SV2C: variants seen among roughly 807,000 people sequenced by gnomAD.
SV2C encodes the protein solute carrier family 22 member B3.
Under a neutral mutation model 79.7 loss-of-function variants are expected in SV2C, and 49 were observed. That is an observed-to-expected ratio of 0.61 (90% CI 0.49 to 0.78). The LOEUF is 0.78. SV2C is among the 30% of genes least tolerant of loss of function. The pLI is 0.00. For missense variants in SV2C, 833 were observed against 912.9 expected, an observed-to-expected ratio of 0.91 and a Z score of 1.13; for synonymous variants, 334 against 333.2, an observed-to-expected ratio of 1.00 and a Z score of -0.03.
intron 2 of SV2C, among the ~76,000 whole-genome samples, chr5:76,146,794 TTTTA>T (rs1749439945): frequency 2.5e-5 from 2 of 81,268 alleles, no homozygotes; most frequent in South Asian, 1.3e-3. Context: ...ATGAGTTTTT[TTTTA>T]AAAAAAAAAA....
chr5:76,144,080 A>G (rs1194625897), intron 2 of SV2C, among the ~76,000 whole-genome samples: 1 of 152,174 alleles, frequency 6.6e-6, no homozygotes, highest in Non-Finnish European at 1.5e-5. Flanking sequence ...CGTGGTGGTT[A>G]CGCAACAATG....
downstream of SV2C, among the ~76,000 whole-genome samples, chr5:76,337,100 G>C (rs1167884245): frequency 1.3e-5 from 2 of 152,100 alleles, no homozygotes; most frequent in Non-Finnish European, 2.9e-5. Context: ...TGCTAGGGCT[G>C]CTGTAACAAA....
At chr5:75,972,546 C>T in the SV2C span, among the ~76,000 whole-genome samples, 2 of 152,162 alleles carry the variant, frequency 1.3e-5, no homozygotes, top group Admixed American at 6.5e-5. Flanking sequence ...TCAAAGAAGA[C>T]ATTTATGCAG....
chr5:75,880,916 A>G, the SV2C span, among the ~76,000 whole-genome samples: 1 of 152,192 alleles, frequency 6.6e-6, no homozygotes, highest in Non-Finnish European at 1.5e-5. Flanking sequence ...TGCAAGACGT[A>G]AAAGCACAGC....
intron 12 of SV2C, among the ~76,000 whole-genome samples, chr5:76,344,765 AAAT>A (rs1174506101): frequency 6.6e-6 from 1 of 152,240 alleles, no homozygotes; most frequent in Non-Finnish European, 1.5e-5. Context: ...TTTGTATTTT[AAAT>A]AATTTAAATT....
chr5:76,238,013 C>A (rs1745663353), intron 4 of SV2C, among the ~76,000 whole-genome samples: 1 of 135,330 alleles, frequency 7.4e-6, no homozygotes, highest in South Asian at 2.5e-4. Flanking sequence ...CATACATATA[C>A]ACACAATCAC....
chr5:76,101,249 G>A (rs1453867126), intron 1 of SV2C, among the ~76,000 whole-genome samples: 1 of 152,146 alleles, frequency 6.6e-6, no homozygotes, highest in East Asian at 1.9e-4. Context: ...AGGTGCAGCA[G>A]TTTGGGCTCA....
chr5:76,142,000 A>T (rs1749270873), intron 2 of SV2C, among the ~76,000 whole-genome samples: 1 of 152,174 alleles, frequency 6.6e-6, no homozygotes, highest in Non-Finnish European at 1.5e-5. Flanking sequence ...GAAATCTAAC[A>T]TCCAAGTATT....
the SV2C span, among the ~76,000 whole-genome samples, chr5:76,016,763 A>T: frequency 6.6e-6 from 1 of 152,194 alleles, no homozygotes; most frequent in African/African-American, 2.4e-5. Context: ...GGTACTGTGA[A>T]TCCAGTTCTC....
intron 4 of SV2C, among the ~76,000 whole-genome samples, chr5:76,214,088 A>ATG (rs201693003): frequency 0.028 from 4,216 of 152,274 alleles, 64 homozygotes; most frequent in Middle Eastern, 0.061. Flanking sequence ...ATGTGCATAT[A>ATG]TGTGTGTGTG....
At chr5:76,279,665 G>T (rs932861032) in intron 4 of SV2C, among the ~76,000 whole-genome samples, 3 of 152,144 alleles carry the variant, frequency 2.0e-5, no homozygotes, top group Non-Finnish European at 4.4e-5. Flanking sequence ...GAATACTGGG[G>T]GAGAAAGTGG....
chr5:76,233,602 G>T (rs1482719282), intron 4 of SV2C, among the ~76,000 whole-genome samples: 1 of 148,322 alleles, frequency 6.7e-6, no homozygotes, highest in African/African-American at 2.6e-5. Context: ...TTATTATTTT[G>T]AAATATGTCC....
the SV2C span, among the ~76,000 whole-genome samples, chr5:75,871,670 T>G: frequency 0.038 from 5,775 of 151,614 alleles, 349 homozygotes; most frequent in African/African-American, 0.13. Context: ...TAGGTGGGTG[T>G]GGTGGCGTGT....
chr5:75,910,781 G>C, the SV2C span: 2 of 1,348,790 alleles, frequency 1.5e-6, no homozygotes, highest in Non-Finnish European at 2.1e-6. Context: ...TAACAGTCAT[G>C]TTGGCTGCTA....
At chr5:76,157,144 A>G (rs1580314323) in intron 2 of SV2C, among the ~76,000 whole-genome samples, 1 of 152,124 alleles carries the variant, frequency 6.6e-6, no homozygotes, top group Non-Finnish European at 1.5e-5. Context: ...GAATCCAAAG[A>G]CAAGGAGAGA....
the SV2C span, among the ~76,000 whole-genome samples, chr5:75,853,994 CAAA>C: frequency 1.7e-4 from 21 of 121,636 alleles, no homozygotes; most frequent in South Asian, 5.8e-4. Context: ...CATCTATCAC[CAAA>C]AAAAAAAAAA....
At chr5:76,346,962 A>C (rs1253964110) in intron 12 of SV2C, among the ~76,000 whole-genome samples, 2 of 152,158 alleles carry the variant, frequency 1.3e-5, no homozygotes, top group African/African-American at 4.8e-5. Flanking sequence ...CTTAAATCAG[A>C]TTTCCCCAGA....
At chr5:76,114,578 A>G (rs528734743) in intron 1 of SV2C, among the ~76,000 whole-genome samples, 1 of 152,358 alleles carries the variant, frequency 6.6e-6, no homozygotes, top group African/African-American at 2.4e-5. Flanking sequence ...AAATTGCATT[A>G]AAACTCTGCA....
intron 1 of SV2C, among the ~76,000 whole-genome samples, chr5:76,108,900 G>C (rs1387195957): frequency 6.6e-6 from 1 of 152,172 alleles, no homozygotes; most frequent in East Asian, 1.9e-4. Flanking sequence ...GTGTTTTCTT[G>C]TATCTCAACA....
Sources: gnomAD v4.1 joint callset for allele counts (sites outside exome capture counted in the v4.1 genomes callset) on GRCh38, gnomAD v4.1.1 for gene constraint, MANE v1.5 for transcripts, NCBI Gene and HGNC (gene_info 2026-07-23, HGNC 2026-07-21) for gene names.